RPIA: variants seen among roughly 807,000 people sequenced by gnomAD.
RPIA encodes ribose-5-phosphate isomerase.
Under a neutral mutation model 37.8 loss-of-function variants are expected in RPIA, and 29 were observed. That is an observed-to-expected ratio of 0.77 (90% CI 0.57 to 1.05). The LOEUF is 1.05. Ranked by LOEUF, RPIA falls within the 50% of genes least tolerant of loss-of-function variation. The probability of loss-of-function intolerance (pLI) is 0.00; values close to 1 mark genes in which losing one functional copy is unlikely to be tolerated. For missense variants in RPIA, 385 were observed against 413.6 expected, an observed-to-expected ratio of 0.93 and a Z score of 0.60; for synonymous variants, 167 against 157.0, an observed-to-expected ratio of 1.06 and a Z score of -0.48.
At chr2:88,722,561 T>C (rs1673147264) in intron 3 of RPIA, among the ~76,000 whole-genome samples, 1 of 152,234 alleles carries the variant, frequency 6.6e-6, no homozygotes, top group Non-Finnish European at 1.5e-5. Flanking sequence ...ACGGTGTCCT[T>C]GTTCATTCCT....
At chr2:88,726,783 C>T (rs1163908791) in intron 3 of RPIA, among the ~76,000 whole-genome samples, 1 of 152,022 alleles carries the variant, frequency 6.6e-6, no homozygotes, top group Non-Finnish European at 1.5e-5. Flanking sequence ...GCTCTCTTGC[C>T]CAGACTGGAG....
intron 8 of RPIA, among the ~76,000 whole-genome samples, chr2:88,747,040 C>T (rs1278377757): frequency 1.3e-5 from 2 of 152,106 alleles, no homozygotes; most frequent in Non-Finnish European, 2.9e-5. Context: ...TTGTCTTTGG[C>T]TACCAGGGCA....
chr2:88,704,198 A>G (rs1672871023), intron 3 of RPIA, among the ~76,000 whole-genome samples: 1 of 152,108 alleles, frequency 6.6e-6, no homozygotes, highest in African/African-American at 2.4e-5. Flanking sequence ...TTCTAAAGTC[A>G]CTTCCATATT....
chr2:88,705,676 C>CAA lies in RPIA; in HGVS notation c.402+5616_402+5617dup, dbSNP rs573695689. On this transcript the variant is annotated intron_variant, in intron 3 of 8. Transcript: ENST00000283646. ...GGCAATGATTTCATGACAAAAACAT[C>CAA]AAAAACAATTGCAACAAAAACCAAT... is the stretch of plus-strand genomic sequence containing the variant. Among the ~76,000 whole-genome samples the CAA allele has an allele frequency of 2.5e-4, 38 of 152,238 alleles. No homozygotes were observed. The South Asian group carries it at 6.8e-3, about 27-fold the overall frequency.
At chr2:88,697,664 T>G (rs1672770883) in intron 1 of RPIA, among the ~76,000 whole-genome samples, 1 of 152,244 alleles carries the variant, frequency 6.6e-6, no homozygotes, top group African/African-American at 2.4e-5. Context: ...CTGCCTGTAC[T>G]TTGTACTCAG....
intron 3 of RPIA, among the ~76,000 whole-genome samples, chr2:88,701,342 C>T (rs1179379800): frequency 6.7e-6 from 1 of 150,260 alleles, no homozygotes; most frequent in Non-Finnish European, 1.5e-5. Context: ...TTTTGAAAAG[C>T]TAAGTATCTA....
rs140371867 is a variant in RPIA at position 88,750,636 on chromosome 2, G to A, written c.*558G>A. ...ATAAAACTGTGGAGTGGAGCGGTAT[G>A]GTATGGAATGACTTGGAATGTAAGC... is the stretch of plus-strand genomic sequence containing the variant. On this transcript the variant is annotated 3_prime_UTR_variant, in exon 9 of 9. Transcript: ENST00000283646. 1,758 of 401,374 alleles carry A rather than the reference G, an allele frequency of 4.4e-3. 7 individuals carry two copies. The highest frequency in any genetic ancestry group is 5.7e-3 in the Non-Finnish European group (1,305 of 227,530). The allele number at this position is 401,374 out of a possible 1,614,324, so 24.9% of individuals were successfully genotyped here. A position where few individuals can be genotyped will look rare whatever the true frequency, so the allele number is the denominator to read the frequency against.
intron 3 of RPIA, among the ~76,000 whole-genome samples, chr2:88,727,535 C>G (rs917458574): frequency 6.6e-6 from 1 of 152,146 alleles, no homozygotes; most frequent in South Asian, 2.1e-4. Context: ...TTTCCCTGAT[C>G]GTCTCCTTCC....
chr2:88,694,141 G>C (rs555050944), intron 1 of RPIA, among the ~76,000 whole-genome samples: 1 of 152,376 alleles, frequency 6.6e-6, no homozygotes, highest in East Asian at 1.9e-4. Flanking sequence ...CACTCCTCTA[G>C]CAGGGCCTGC....
At chr2:88,722,325 T>C (rs1182435994) in intron 3 of RPIA, among the ~76,000 whole-genome samples, 2 of 152,222 alleles carry the variant, frequency 1.3e-5, no homozygotes, top group African/African-American at 4.8e-5. Context: ...ATATTTTTAT[T>C]GGAAAATACC....
At chr2:88,722,399 A>G (rs1558695247) in intron 3 of RPIA, among the ~76,000 whole-genome samples, 1 of 152,188 alleles carries the variant, frequency 6.6e-6, no homozygotes, top group Non-Finnish European at 1.5e-5. Flanking sequence ...GTCTACAAGT[A>G]TTTATCCCAT....
At chr2:88,744,628 T>A (rs1018953998) in intron 8 of RPIA, among the ~76,000 whole-genome samples, 1 of 152,226 alleles carries the variant, frequency 6.6e-6, no homozygotes, top group Non-Finnish European at 1.5e-5. Flanking sequence ...TTGCCATCTA[T>A]CTCATTTCTT....
chr2:88,705,032 A>C (rs1291300051), intron 3 of RPIA, among the ~76,000 whole-genome samples: 1 of 152,212 alleles, frequency 6.6e-6, no homozygotes, highest in Non-Finnish European at 1.5e-5. Flanking sequence ...GGATCTCTTC[A>C]AGGAGGACTA....
intron 3 of RPIA, among the ~76,000 whole-genome samples, chr2:88,721,542 T>C (rs1490673550): frequency 1.1e-5 from 1 of 92,432 alleles, no homozygotes; most frequent in East Asian, 2.6e-4. Flanking sequence ...AGATATATAT[T>C]ATACACACAC....
At position 88,713,121 on chromosome 2, in the gene RPIA, T is replaced by TATA. The variant is rs58120689; in HGVS notation, c.402+13057_402+13058insATA. On this transcript the variant is annotated intron_variant, in intron 3 of 8. Transcript: ENST00000283646. ...CTGAATATATATATATATATATATATTTTTTTTTTTTTTTTCAAGCTACGA... is the reference window on the plus strand; with the variant it reads ...CTGAATATATATATATATATATATATATATTTTTTTTTTTTTTTCAAGCTACGA... Among the ~76,000 whole-genome samples the TATA allele has an allele frequency of 5.5e-3, 312 of 56,260 alleles. 1 individual carries two copies. The highest frequency in any genetic ancestry group is 8.4e-3 in the African/African-American group (104 of 12,426). 36.9% of individuals were successfully genotyped at this position (56,260 alleles called of 152,430 possible).
intron 3 of RPIA, among the ~76,000 whole-genome samples, chr2:88,705,345 A>G (rs1387099163): frequency 6.6e-6 from 1 of 152,214 alleles, no homozygotes; most frequent in Non-Finnish European, 1.5e-5. Flanking sequence ...CTAAAACAGC[A>G]TGGTACTGGT....
intron 8 of RPIA, among the ~76,000 whole-genome samples, chr2:88,743,915 T>G (rs1347542305): frequency 1.3e-5 from 2 of 152,210 alleles, no homozygotes; most frequent in Non-Finnish European, 2.9e-5. Flanking sequence ...CTTTTCTTGG[T>G]TAATCTCACT....
intron 3 of RPIA, among the ~76,000 whole-genome samples, chr2:88,723,264 C>G (rs1266003682): frequency 2.6e-5 from 4 of 152,196 alleles, no homozygotes; most frequent in African/African-American, 9.6e-5. Context: ...AACTACTTAC[C>G]TAGGGATGGG....
At chr2:88,725,400 A>AT (rs1439025353) in intron 3 of RPIA, among the ~76,000 whole-genome samples, 1 of 151,534 alleles carries the variant, frequency 6.6e-6, no homozygotes, top group East Asian at 1.9e-4. Flanking sequence ...GAAGTCTGAG[A>AT]TGAAGGTGTT....
Sources: gnomAD v4.1 joint callset for allele counts (sites outside exome capture counted in the v4.1 genomes callset) on GRCh38, gnomAD v4.1.1 for gene constraint, MANE v1.5 for transcripts, NCBI Gene and HGNC (gene_info 2026-07-23, HGNC 2026-07-21) for gene names.